PIP5K1B: variants seen among roughly 807,000 people sequenced by gnomAD.
PIP5K1B encodes phosphatidylinositol-4-phosphate 5-kinase type 1 beta.
A neutral mutation model predicts 67.0 loss-of-function variants in PIP5K1B; 42 were observed. The observed-to-expected ratio is 0.63, with a 90% CI of 0.49 to 0.81. The LOEUF is 0.81. PIP5K1B is among the 30% of genes least tolerant of loss of function. PIP5K1B has a pLI of 0.00. For synonymous variants in PIP5K1B, 214 were observed against 231.4 expected, an observed-to-expected ratio of 0.92 and a Z score of 0.68; for missense variants, 459 against 646.3, an observed-to-expected ratio of 0.71 and a Z score of 3.14.
chr9:68,736,704 GCTTCAGTCACCA>G (rs1828754569), intron 1 of PIP5K1B, among the ~76,000 whole-genome samples: 1 of 152,112 alleles, frequency 6.6e-6, no homozygotes, highest in Non-Finnish European at 1.5e-5. Context: ...CCTCACCTCT[GCTTCAGTCACCA>G]CTTCTCCTAT....
intron 4 of PIP5K1B, among the ~76,000 whole-genome samples, chr9:68,855,650 A>G (rs958075564): frequency 1.3e-5 from 2 of 152,064 alleles, no homozygotes; most frequent in Non-Finnish European, 2.9e-5. Flanking sequence ...CCCTCCCTCC[A>G]ATATATCTCA....
intron 14 of PIP5K1B, among the ~76,000 whole-genome samples, chr9:68,977,410 C>G (rs981047316): frequency 3.3e-5 from 5 of 152,152 alleles, no homozygotes; most frequent in African/African-American, 1.2e-4. Context: ...GTAATCCCAG[C>G]TACCTGGGAG....
intron 14 of PIP5K1B, among the ~76,000 whole-genome samples, chr9:68,954,216 G>A (rs1210151580): frequency 1.3e-5 from 2 of 152,086 alleles, no homozygotes; most frequent in African/African-American, 4.8e-5. Flanking sequence ...ATTACTACCT[G>A]TTCATATGCC....
At chr9:68,871,776 A>T (rs1395077343) in intron 5 of PIP5K1B, among the ~76,000 whole-genome samples, 1 of 152,222 alleles carries the variant, frequency 6.6e-6, no homozygotes, top group Admixed American at 6.5e-5. Flanking sequence ...CCAAGGTTGG[A>T]TTCCAAACTT....
intron 14 of PIP5K1B, among the ~76,000 whole-genome samples, chr9:68,972,201 A>C (rs1327291953): frequency 6.6e-6 from 1 of 152,222 alleles, no homozygotes; most frequent in African/African-American, 2.4e-5. Flanking sequence ...AGTTTTCTGC[A>C]TATGGCTAGC....
chr9:68,759,825 T>G (rs1830107735), intron 2 of PIP5K1B, among the ~76,000 whole-genome samples: 1 of 152,116 alleles, frequency 6.6e-6, no homozygotes, highest in African/African-American at 2.4e-5. Context: ...AGTTTTAAAA[T>G]ATATTATTAA....
intron 2 of PIP5K1B, among the ~76,000 whole-genome samples, chr9:68,762,137 G>C (rs987773887): frequency 6.6e-6 from 1 of 152,126 alleles, no homozygotes; most frequent in East Asian, 1.9e-4. Flanking sequence ...TCTTAAAGCT[G>C]GTTATGTGTA....
intron 1 of PIP5K1B, among the ~76,000 whole-genome samples, chr9:68,706,865 G>T (rs185193376): frequency 6.6e-6 from 1 of 152,000 alleles, no homozygotes; most frequent in Non-Finnish European, 1.5e-5. Flanking sequence ...CCCCTGTTCT[G>T]CGAAGAGACT....
chr9:68,960,385 T>G (rs1443000260), intron 14 of PIP5K1B, among the ~76,000 whole-genome samples: 1 of 152,230 alleles, frequency 6.6e-6, no homozygotes, highest in African/African-American at 2.4e-5. Flanking sequence ...CAGTGGACCT[T>G]TTCAATCTGC....
chr9:68,949,693 G>A (rs1827964507), intron 14 of PIP5K1B, among the ~76,000 whole-genome samples: 2 of 152,188 alleles, frequency 1.3e-5, no homozygotes, highest in African/African-American at 2.4e-5. Context: ...AAATTGAAAG[G>A]AGTTTACTTG....
intron 2 of PIP5K1B, among the ~76,000 whole-genome samples, chr9:68,800,944 T>G (rs1364584353): frequency 6.6e-6 from 1 of 152,208 alleles, no homozygotes; most frequent in Non-Finnish European, 1.5e-5. Context: ...TGCTTGCATC[T>G]CTTCTCCCCC....
chr9:68,917,081 G>A (rs1016909904), intron 8 of PIP5K1B, among the ~76,000 whole-genome samples: 1 of 152,206 alleles, frequency 6.6e-6, no homozygotes, highest in Non-Finnish European at 1.5e-5. Flanking sequence ...GCTTAAGAGT[G>A]TGGACACCGG....
At chr9:68,788,413 C>T in intron 2 of PIP5K1B, 1 of 610,348 alleles carries the variant, frequency 1.6e-6, no homozygotes. Context: ...CCAGAAATAG[C>T]CAGCTGCTGC....
chr9:68,978,544 A>G (rs1829738882), intron 14 of PIP5K1B, among the ~76,000 whole-genome samples: 1 of 152,142 alleles, frequency 6.6e-6, no homozygotes, highest in Non-Finnish European at 1.5e-5. Flanking sequence ...TTGTTGCCCC[A>G]ACTTTTTGGG....
At chr9:68,926,086 C>T (rs879227803) in intron 12 of PIP5K1B, among the ~76,000 whole-genome samples, 5 of 151,910 alleles carry the variant, frequency 3.3e-5, no homozygotes, top group East Asian at 3.9e-4. Flanking sequence ...TAAGCCACCG[C>T]GCCCTGCTGT....
At chr9:68,954,255 A>G (rs1188048454) in intron 14 of PIP5K1B, among the ~76,000 whole-genome samples, 1 of 152,066 alleles carries the variant, frequency 6.6e-6, no homozygotes, top group Non-Finnish European at 1.5e-5. Context: ...TGTCTCTCTT[A>G]GCTTCTTCCA....
intron 1 of PIP5K1B, among the ~76,000 whole-genome samples, chr9:68,722,098 C>A (rs1376476925): frequency 6.6e-6 from 1 of 152,182 alleles, no homozygotes; most frequent in Non-Finnish European, 1.5e-5. Context: ...GCTTCTGTTT[C>A]ATTTGTTCTC....
chr9:68,835,525 C>G (rs1834555968), intron 4 of PIP5K1B, among the ~76,000 whole-genome samples: 1 of 152,208 alleles, frequency 6.6e-6, no homozygotes, highest in Non-Finnish European at 1.5e-5. Context: ...CCCACCTACT[C>G]CCAATGGAAT....
chr9:68,877,403 T>C (rs1823950989), intron 6 of PIP5K1B, among the ~76,000 whole-genome samples: 1 of 152,230 alleles, frequency 6.6e-6, no homozygotes, highest in Non-Finnish European at 1.5e-5. Flanking sequence ...CTCAGAGTTT[T>C]ACCTCATTCC....
Sources: gnomAD v4.1 joint callset for allele counts (sites outside exome capture counted in the v4.1 genomes callset) on GRCh38, gnomAD v4.1.1 for gene constraint, MANE v1.5 for transcripts, NCBI Gene and HGNC (gene_info 2026-07-23, HGNC 2026-07-21) for gene names.